The following CACNA1B variants were observed in gnomAD, a reference collection of about 807,000 sequenced individuals.
CACNA1B encodes voltage-dependent N-type calcium channel subunit alpha-1B.
A neutral mutation model predicts 247.2 loss-of-function variants in CACNA1B; 70 were observed. The observed-to-expected ratio is 0.28, with a 90% CI of 0.23 to 0.35. The LOEUF is 0.35. CACNA1B is among the 10% of genes least tolerant of loss of function. The pLI is 1.00. For synonymous variants in CACNA1B, 1,231 were observed against 1,294.4 expected (o/e 0.95, Z 1.05); for missense variants, 2,367 against 3,197.4 (o/e 0.74, Z 6.26).
chr9:137,999,058 G>A (rs1240524266), intron 15 of CACNA1B, among the ~76,000 whole-genome samples: 2 of 152,088 alleles, frequency 1.3e-5, no homozygotes, highest in African/African-American at 4.8e-5. Flanking sequence ...TGTAATCCCA[G>A]CGCTTTGGGA....
Position 138,023,688 on chromosome 9 carries a change from G to C in CACNA1B, c.2945G>C (p.Arg982Pro). The C allele has an allele frequency of 2.0e-6, 3 of 1,521,258 alleles. No individual in the cohort carries two copies. The highest frequency in any genetic ancestry group is 1.8e-6 in the Non-Finnish European group (2 of 1,133,838). The allele number at this position is 1,521,258 out of a possible 1,614,324, so 94.2% of individuals were successfully genotyped here. A position where few individuals can be genotyped will look rare whatever the true frequency, so the allele number is the denominator to read the frequency against. ...GAGCCGGCGCGGCGGCACCGGGCCC[G>C]GCACAAGGCGCAGCCTGCTCACGAG... Reference protein sequence around the residue: ...GEEPARRHRARHKAQPAHEAV... With the variant: ...GEEPARRHRAPHKAQPAHEAV... Residue 982 changes from arginine to proline, a missense_variant, in exon 19 of 47, where the codon CGG (arginine) becomes CCG (proline). By Grantham distance (103) the Arg-to-Pro change is moderately radical. Coordinates refer to ENST00000371372, the MANE Select transcript of CACNA1B (RefSeq NM_000718.4).
chr9:138,103,330 G>A (rs762850434), intron 38 of CACNA1B, among the ~76,000 whole-genome samples: 1 of 152,178 alleles, frequency 6.6e-6, no homozygotes, highest in Non-Finnish European at 1.5e-5. Context: ...CTGGGCCCAG[G>A]CTGCAGTCTC....
At chr9:137,889,750 C>T (rs1588982930) in intron 3 of CACNA1B, among the ~76,000 whole-genome samples, 1 of 150,058 alleles carries the variant, frequency 6.7e-6, no homozygotes, top group Admixed American at 6.6e-5. Context: ...GGGGATGTAA[C>T]AGCCTGAGAA....
In CACNA1B at chr9:138,120,161, A is replaced by G. The variant is rs775262003; in HGVS notation, c.6031-4A>G. ...TAGGCCCACTCTCAGTCCTTTGCCC[A>G]CAGCCCGTCACAGATGCCAGCCCCA... is the stretch of plus-strand genomic sequence containing the variant. On this transcript the variant is annotated splice_region_variant and splice_polypyrimidine_tract_variant and intron_variant, in intron 44 of 46. Transcript: ENST00000371372. 4 of 1,595,170 alleles carry G rather than the reference A, an allele frequency of 2.5e-6. No individual in the cohort carries two copies.
intron 3 of CACNA1B, among the ~76,000 whole-genome samples, chr9:137,885,338 G>A (rs1463821629): frequency 2.0e-5 from 3 of 152,220 alleles, no homozygotes; most frequent in African/African-American, 4.8e-5. Flanking sequence ...TGTGTGTGGA[G>A]GGGGCTGGGT....
chr9:138,025,884 CCTTT>C (rs1486323291), intron 20 of CACNA1B, among the ~76,000 whole-genome samples: 1 of 152,154 alleles, frequency 6.6e-6, no homozygotes, highest in Non-Finnish European at 1.5e-5. Context: ...GAGGAGCCCT[CCTTT>C]CTTAAGTACA....
In CACNA1B at chr9:138,073,226, G is replaced by C. The variant is rs1007596338; in HGVS notation, c.4675-262G>C. 6.6e-6 allele frequency among the ~76,000 whole-genome samples: 1 copy of C among 152,228 alleles called. No homozygotes were observed. The highest frequency in any genetic ancestry group is 1.5e-5 in the Non-Finnish European group (1 of 68,040). On this transcript the variant is annotated intron_variant, in intron 32 of 46. Transcript: ENST00000371372. This position sits in a 1 kb window ranked among gnomAD's most constrained non-coding sequence, Gnocchi z 6.4. ...TTTTCTTTCTGTTGCTCACGGTTGGGGGTGGGGAGGGGCCTTAGAGCCAAG... is the reference window on the plus strand; with the variant it reads ...TTTTCTTTCTGTTGCTCACGGTTGGCGGTGGGGAGGGGCCTTAGAGCCAAG...
intron 12 of CACNA1B, among the ~76,000 whole-genome samples, chr9:137,979,548 G>C (rs1463832046): frequency 6.6e-6 from 1 of 152,186 alleles, no homozygotes; most frequent in Non-Finnish European, 1.5e-5. Flanking sequence ...ATGGGGGCAG[G>C]TATTATGCAA....
intron 10 of CACNA1B, among the ~76,000 whole-genome samples, chr9:137,968,223 G>T (rs1958104247): frequency 6.6e-6 from 1 of 152,152 alleles, no homozygotes. Context: ...GGGGCCTGGT[G>T]GGGAGGAGAC....
At chr9:137,988,863 G>A (rs933482840) in intron 15 of CACNA1B, among the ~76,000 whole-genome samples, 3 of 152,332 alleles carry the variant, frequency 2.0e-5, no homozygotes, top group Non-Finnish European at 4.4e-5. Flanking sequence ...TGCAGGGCAG[G>A]GCTGACTGGT....
At chr9:137,901,721 G>C (rs1360555284) in intron 3 of CACNA1B, among the ~76,000 whole-genome samples, 8 of 132,202 alleles carry the variant, frequency 6.1e-5, no homozygotes, top group Admixed American at 5.1e-4. Flanking sequence ...ACTGAGTCTA[G>C]ATCTGTTGCC....
At chr9:138,098,864 A>G (rs1446909024) in intron 37 of CACNA1B, among the ~76,000 whole-genome samples, 1 of 152,202 alleles carries the variant, frequency 6.6e-6, no homozygotes, top group Non-Finnish European at 1.5e-5. Context: ...TGCCCCCACG[A>G]GCAGCCTGGG....
At position 137,879,035 on chromosome 9, in the gene CACNA1B, C is replaced by T. The variant is rs760604074; in HGVS notation, c.285-19C>T. 1 of 1,555,104 alleles carries T rather than the reference C, an allele frequency of 6.4e-7. No homozygotes were observed. The highest frequency in any genetic ancestry group is 8.8e-7 in the Non-Finnish European group (1 of 1,131,752). On this transcript the variant is annotated intron_variant, in intron 1 of 46. Transcript: ENST00000371372. ...TTCCCTCCGTGCGGCGTCTGCCGGCCAGTCCTTAACTCACGCACTCCATTC... is the reference window on the plus strand; with the variant it reads ...TTCCCTCCGTGCGGCGTCTGCCGGCTAGTCCTTAACTCACGCACTCCATTC...
chr9:137,998,346 C>T (rs182258770), intron 15 of CACNA1B, among the ~76,000 whole-genome samples: 3 of 152,332 alleles, frequency 2.0e-5, no homozygotes, highest in Admixed American at 6.5e-5. Context: ...CACGGTGGCT[C>T]ATGCCTGTAA....
chr9:137,898,684 T>A (rs1199424518), intron 3 of CACNA1B, among the ~76,000 whole-genome samples: 2 of 146,228 alleles, frequency 1.4e-5, no homozygotes, highest in Non-Finnish European at 3.0e-5. Flanking sequence ...TAAAAAAAAT[T>A]TTTTTTTTTT....
intron 31 of CACNA1B, among the ~76,000 whole-genome samples, chr9:138,067,553 G>T (rs539616382): frequency 6.6e-6 from 1 of 152,332 alleles, no homozygotes; most frequent in Admixed American, 6.5e-5. Context: ...ACAAAAGTTA[G>T]CCAGGCATGA....
chr9:137,933,486 GA>G (rs1195669561), intron 6 of CACNA1B, among the ~76,000 whole-genome samples: 1 of 152,216 alleles, frequency 6.6e-6, no homozygotes, highest in African/African-American at 2.4e-5. Context: ...TGCAACTCCA[GA>G]AAGGTTGCTC....
chr9:138,059,575 G>A lies in CACNA1B; in HGVS notation c.4585-79G>A. ...ATCACCCTCACCGCTTTCTTAATCAGGGCCACCACCTATATATACCTCTTT... is the reference window on the plus strand; with the variant it reads ...ATCACCCTCACCGCTTTCTTAATCAAGGCCACCACCTATATATACCTCTTT... On this transcript the variant is annotated intron_variant, in intron 30 of 46. Transcript: ENST00000371372. The surrounding 1 kb of genome is among the most constrained non-coding windows in gnomAD (Gnocchi z 4.2). 8.2e-6 allele frequency: 7 copies of A among 858,364 alleles called. No individual in the cohort carries two copies. Among genetic ancestry groups the A allele is most frequent in the Non-Finnish European group, 1.4e-5 (7 of 500,406 alleles). The allele number at this position is 858,364 out of a possible 1,614,324, so 53.2% of individuals were successfully genotyped here. A position where few individuals can be genotyped will look rare whatever the true frequency, so the allele number is the denominator to read the frequency against.
chr9:137,984,796 T>A (rs1958337296), intron 13 of CACNA1B, among the ~76,000 whole-genome samples: 2 of 152,116 alleles, frequency 1.3e-5, no homozygotes, highest in Admixed American at 1.3e-4. Flanking sequence ...ATGTTTACAG[T>A]TATGTCCCAC....
Sources: allele counts gnomAD v4.1 joint callset (sites outside exome capture counted in the v4.1 genomes callset), GRCh38; gene constraint gnomAD v4.1.1; non-coding constraint Gnocchi (gnomAD v3.1); transcripts MANE v1.5; gene names NCBI Gene and HGNC (gene_info 2026-07-23, HGNC 2026-07-21).